Variants in DAB1 observed in about 807,000 individuals in gnomAD.
DAB1 encodes DAB adaptor protein 1.
DAB1 carries 15 observed loss-of-function variants against 64.6 expected under a neutral mutation model. The observed-to-expected ratio is 0.23, with a 90% CI of 0.16 to 0.36. The LOEUF (loss-of-function observed/expected upper bound fraction) is 0.36, where lower values mean the gene tolerates loss of function less well. Ranked by LOEUF, DAB1 falls within the 10% of genes least tolerant of loss-of-function variation. DAB1 has a pLI of 1.00. For missense variants in DAB1, 596 were observed against 706.7 expected (o/e 0.84, Z 1.78); for synonymous variants, 235 against 251.9 (o/e 0.93, Z 0.64).
intron 1 of DAB1, among the ~76,000 whole-genome samples, chr1:57,327,517 T>A (rs1244887254): frequency 1.3e-5 from 2 of 152,056 alleles, no homozygotes; most frequent in Non-Finnish European, 2.9e-5. Context: ...TGGGGCCTCT[T>A]CAGAACTGCT....
chr1:57,636,123 A>AAAAAAAC (rs1646053826), intron 7 of DAB1, among the ~76,000 whole-genome samples: 1 of 147,346 alleles, frequency 6.8e-6, no homozygotes, highest in African/African-American at 2.5e-5. Flanking sequence ...ACAAAAACAA[A>AAAAAAAC]AAACTGGTGC....
chr1:58,263,186 C>T (rs1661088016), intron 4 of DAB1, among the ~76,000 whole-genome samples: 1 of 152,090 alleles, frequency 6.6e-6, no homozygotes, highest in Non-Finnish European at 1.5e-5. Flanking sequence ...ATTCCTTTTA[C>T]TTTTTGGGAG....
intron 4 of DAB1, among the ~76,000 whole-genome samples, chr1:58,340,458 A>G (rs943805354): frequency 3.3e-5 from 5 of 152,198 alleles, no homozygotes; most frequent in African/African-American, 1.2e-4. Flanking sequence ...CCTGCACTCA[A>G]TCTTCTGTGA....
chr1:57,055,560 G>T (rs768531518), intron 9 of DAB1, among the ~76,000 whole-genome samples: 12 of 152,158 alleles, frequency 7.9e-5, no homozygotes, highest in Non-Finnish European at 1.6e-4. Flanking sequence ...ACAAAACTGT[G>T]CACCCATCAG....
chr1:57,490,060 A>G (rs1483900863), intron 7 of DAB1, among the ~76,000 whole-genome samples: 1 of 152,196 alleles, frequency 6.6e-6, no homozygotes, highest in African/African-American at 2.4e-5. Flanking sequence ...GAACACAGCA[A>G]GAAGTGCCAT....
intron 2 of DAB1, among the ~76,000 whole-genome samples, chr1:57,188,806 A>G (rs1185616985): frequency 6.6e-6 from 1 of 152,182 alleles, no homozygotes; most frequent in Non-Finnish European, 1.5e-5. Context: ...AACTCACTAT[A>G]CTACTTCAAT....
chr1:57,482,788 G>A (rs949372475), intron 7 of DAB1, among the ~76,000 whole-genome samples: 1 of 152,154 alleles, frequency 6.6e-6, no homozygotes, highest in African/African-American at 2.4e-5. Context: ...AATAAATTAA[G>A]CATGGTGGAT....
At chr1:57,379,850 G>A (rs751149275) in intron 1 of DAB1, among the ~76,000 whole-genome samples, 14 of 152,156 alleles carry the variant, frequency 9.2e-5, no homozygotes, top group South Asian at 2.1e-4. Flanking sequence ...AAGGGCTTGC[G>A]TTCAAAATCT....
intron 3 of DAB1, among the ~76,000 whole-genome samples, chr1:58,407,999 T>C (rs577523869): frequency 6.6e-6 from 1 of 152,316 alleles, no homozygotes; most frequent in African/African-American, 2.4e-5. Flanking sequence ...CCAACTACAC[T>C]GACTCTCTGT....
chr1:57,446,660 T>C (rs1271222487), intron 7 of DAB1, among the ~76,000 whole-genome samples: 3 of 152,138 alleles, frequency 2.0e-5, no homozygotes, highest in Non-Finnish European at 2.9e-5. Context: ...GAAGTTTGTT[T>C]AGTCACATTC....
chr1:57,011,049 C>T (rs1646251407), intron 13 of DAB1, 96 bp downstream of exon 13: 12 of 1,493,818 alleles, frequency 8.0e-6, no homozygotes, highest in Non-Finnish European at 1.1e-5. Flanking sequence ...AGCCAGCATT[C>T]TTTTCTATGT....
intron 4 of DAB1, among the ~76,000 whole-genome samples, chr1:58,292,310 T>C (rs902515198): frequency 2.6e-5 from 4 of 152,052 alleles, no homozygotes; most frequent in Non-Finnish European, 5.9e-5. Context: ...GATGGAGAGA[T>C]GCACAGAGAA....
intron 5 of DAB1, among the ~76,000 whole-genome samples, chr1:57,996,477 T>G (rs1646426927): frequency 6.6e-6 from 1 of 152,214 alleles, no homozygotes. Context: ...AAATTTGCCC[T>G]CATTTGCTGG....
At chr1:57,665,166 T>C (rs1411784641) in intron 6 of DAB1, among the ~76,000 whole-genome samples, 2 of 152,062 alleles carry the variant, frequency 1.3e-5, no homozygotes. Context: ...ACAAGAATAA[T>C]ATTTTGATAC....
At chr1:57,457,046 C>T (rs1197949999) in intron 7 of DAB1, among the ~76,000 whole-genome samples, 2 of 152,106 alleles carry the variant, frequency 1.3e-5, no homozygotes, top group South Asian at 2.1e-4. Context: ...TTCTGCGAGG[C>T]CCCATTTTCA....
At chr1:58,075,900 C>T (rs371810919) in intron 5 of DAB1, among the ~76,000 whole-genome samples, 1 of 152,064 alleles carries the variant, frequency 6.6e-6, no homozygotes, top group African/African-American at 2.4e-5. Flanking sequence ...TTTTCACCAA[C>T]GCTATTGAGA....
chr1:57,603,861 C>T (rs1476675580), intron 7 of DAB1, among the ~76,000 whole-genome samples: 3 of 152,180 alleles, frequency 2.0e-5, no homozygotes, highest in South Asian at 2.1e-4. Context: ...CTATTCGCCT[C>T]CTGCTTCTGG....
intron 6 of DAB1, among the ~76,000 whole-genome samples, chr1:57,730,217 C>T (rs1041053202): frequency 1.3e-5 from 2 of 152,222 alleles, no homozygotes; most frequent in African/African-American, 2.4e-5. Context: ...CCTATATTAA[C>T]TCACTTAATC....
At chr1:57,420,369 C>T (rs953806951) in intron 1 of DAB1, among the ~76,000 whole-genome samples, 2 of 152,156 alleles carry the variant, frequency 1.3e-5, no homozygotes, top group Admixed American at 6.5e-5. Context: ...AGGCCAGTTA[C>T]CAAATCTTCC....
Sources: gnomAD v4.1 joint callset for allele counts (sites outside exome capture counted in the v4.1 genomes callset) on GRCh38, gnomAD v4.1.1 for gene constraint, MANE v1.5 for transcripts, NCBI Gene and HGNC (gene_info 2026-07-23, HGNC 2026-07-21) for gene names.